The following ERLEC1 variants were observed in gnomAD, a reference collection of about 807,000 sequenced individuals.
ERLEC1 encodes ER lectin.
ERLEC1 carries 47 observed loss-of-function variants against 68.0 expected under a neutral mutation model. The observed-to-expected ratio is 0.69, with a 90% CI of 0.55 to 0.88. The LOEUF (loss-of-function observed/expected upper bound fraction) is 0.88, where lower values mean the gene tolerates loss of function less well. ERLEC1 is among the 40% of genes least tolerant of loss of function. The pLI is 0.00. For missense variants in ERLEC1, 567 were observed against 583.8 expected (o/e 0.97, Z 0.30); for synonymous variants, 225 against 203.2 (o/e 1.11, Z -0.91).
chr2:53,810,423 C>G (rs1676530747), intron 10 of ERLEC1, among the ~76,000 whole-genome samples: 2 of 152,166 alleles, frequency 1.3e-5, no homozygotes, highest in Non-Finnish European at 2.9e-5. Context: ...ACCGTATTCT[C>G]CCATACTTGA....
At chr2:53,790,029 AAAG>A (rs1323003253) in intron 1 of ERLEC1, among the ~76,000 whole-genome samples, 2 of 150,248 alleles carry the variant, frequency 1.3e-5, no homozygotes, top group Admixed American at 6.6e-5. Flanking sequence ...AAAAAAAAAA[AAAG>A]AAAAGAAAAG....
intron 10 of ERLEC1, among the ~76,000 whole-genome samples, chr2:53,812,586 C>A (rs563360435): frequency 3.3e-5 from 5 of 152,024 alleles, no homozygotes; most frequent in Non-Finnish European, 5.9e-5. Context: ...AGAGATTAAA[C>A]TCTTGGTTGT....
Position 53,801,560 on chromosome 2 carries a change from C to A in ERLEC1, c.689C>A (p.Thr230Lys). ...GAAATTCTTTCAGTAGCTGAAGTTA[C>A]AACTTGTGAATATGAAGTTGTCATT... ...KHEILSVAEV[T>K]TCEYEVVILT... Residue 230 changes from threonine to lysine, a missense_variant, in exon 7 of 14, where the codon ACA (threonine) becomes AAA (lysine). Physicochemically the swap from Thr to Lys is moderately conservative, Grantham distance 78. Coordinates refer to ENST00000185150, the MANE Select transcript of ERLEC1 (RefSeq NM_015701.5). 1 of 1,614,100 alleles carries A rather than the reference C, an allele frequency of 6.2e-7. No individual in the cohort carries two copies. Among genetic ancestry groups the A allele is most frequent in the Non-Finnish European group, 8.5e-7 (1 of 1,179,974 alleles).
chr2:53,803,487 G>T (rs879545870), intron 8 of ERLEC1, among the ~76,000 whole-genome samples: 9 of 152,022 alleles, frequency 5.9e-5, no homozygotes, highest in Non-Finnish European at 1.0e-4. Flanking sequence ...GTTTAGTCTG[G>T]GCATGGTGGC....
intron 1 of ERLEC1, among the ~76,000 whole-genome samples, chr2:53,789,172 G>T (rs1675246533): frequency 6.6e-6 from 1 of 151,940 alleles, no homozygotes; most frequent in Non-Finnish European, 1.5e-5. Context: ...GAGGCAGGCG[G>T]ATTATGAGGT....
intron 3 of ERLEC1, among the ~76,000 whole-genome samples, chr2:53,797,254 A>G (rs139159481): frequency 6.6e-5 from 10 of 152,304 alleles, no homozygotes; most frequent in African/African-American, 1.9e-4. Context: ...CTATGTAGAA[A>G]ATTGTCCCTA....
At chr2:53,806,050 A>G (rs904590472) in intron 8 of ERLEC1, among the ~76,000 whole-genome samples, 1 of 152,218 alleles carries the variant, frequency 6.6e-6, no homozygotes, top group African/African-American at 2.4e-5. Flanking sequence ...TTGAAAATGT[A>G]CATTTAGCAT....
intron 11 of ERLEC1, among the ~76,000 whole-genome samples, chr2:53,814,312 A>G (rs1415967811): frequency 6.6e-6 from 1 of 152,244 alleles, no homozygotes; most frequent in African/African-American, 2.4e-5. Context: ...AGTTGAAAAT[A>G]ATTATTAACT....
At chr2:53,800,457 A>G (rs1021092478) in intron 6 of ERLEC1, among the ~76,000 whole-genome samples, 1 of 152,184 alleles carries the variant, frequency 6.6e-6, no homozygotes, top group Non-Finnish European at 1.5e-5. Flanking sequence ...TAGTAAATTT[A>G]AAGCTTGGAT....
chr2:53,801,935 G>A lies in ERLEC1; in HGVS notation c.879+93G>A, dbSNP rs148296677. The stretch of plus-strand genomic sequence containing the variant: ...TTTTAATGATTTCTGTAGTATAATG[G>A]TAGTAATTTATTTTACTGGCCCAAC... On this transcript the variant is annotated intron_variant, in intron 8 of 13. Transcript: ENST00000185150. 4 of 1,068,392 alleles carry A rather than the reference G, an allele frequency of 3.7e-6. No homozygotes were observed. In the African/African-American group the frequency reaches 4.8e-5, roughly 13 times the overall value. 66.2% of individuals were successfully genotyped at this position (1,068,392 alleles called of 1,614,324 possible).
intron 1 of ERLEC1, among the ~76,000 whole-genome samples, chr2:53,788,975 A>G (rs1675236138): frequency 6.6e-6 from 1 of 151,958 alleles, no homozygotes; most frequent in South Asian, 2.1e-4. Context: ...AGCCCTGAAA[A>G]CTTACTATAA....
intron 13 of ERLEC1, 56 bp from the exon 14 acceptor site, chr2:53,817,842 G>C (rs1438572705): frequency 6.1e-6 from 6 of 982,986 alleles, no homozygotes; most frequent in African/African-American, 1.6e-5. Context: ...CAGCAGAATA[G>C]TACTGAAAAG....
intron 1 of ERLEC1, chr2:53,788,632 A>C (rs1675214489): frequency 6.6e-6 from 1 of 151,864 alleles, no homozygotes; most frequent in South Asian, 2.1e-4. Flanking sequence ...TCCTGGGCTC[A>C]AGCAATCCTC....
chr2:53,802,450 T>C (rs925128191), intron 8 of ERLEC1, among the ~76,000 whole-genome samples: 2 of 152,240 alleles, frequency 1.3e-5, no homozygotes, highest in African/African-American at 4.8e-5. Flanking sequence ...AGTGTTATCT[T>C]CTAAAGGCTT....
intron 8 of ERLEC1, among the ~76,000 whole-genome samples, chr2:53,803,502 G>A (rs765754920): frequency 2.6e-5 from 4 of 151,790 alleles, no homozygotes; most frequent in Non-Finnish European, 4.4e-5. Context: ...GGTGGCTCAT[G>A]CCTATAATCC....
rs1675355071 is a variant in ERLEC1, at chr2:53,790,860, G to GT, written c.163-3480dup. 7.2e-5 allele frequency among the ~76,000 whole-genome samples: 11 copies of GT among 152,222 alleles called. No individual in the cohort carries two copies. The South Asian group carries it at 2.3e-3, about 32-fold the overall frequency. ...TTATTGATGTTTAGCACTCAGTTTTGTTTTTGTGTTAATATTTTCCTTCTG... is the reference window on the plus strand; with the variant it reads ...TTATTGATGTTTAGCACTCAGTTTTGTTTTTTGTGTTAATATTTTCCTTCTG... On this transcript the variant is annotated intron_variant, in intron 1 of 13. Coordinates refer to ENST00000185150, the MANE Select transcript of ERLEC1 (RefSeq NM_015701.5).
chr2:53,808,173 A>G lies in ERLEC1; in HGVS notation c.880-126A>G, dbSNP rs191087134. 195 of 975,094 alleles carry G rather than the reference A, an allele frequency of 2.0e-4. No individual in the cohort carries two copies. The Admixed American group carries it at 4.4e-3, about 22-fold the overall frequency. 60.4% of individuals were successfully genotyped at this position (975,094 alleles called of 1,614,324 possible). A position where few individuals can be genotyped will look rare whatever the true frequency, so the allele number is the denominator to read the frequency against. ...TGCAAAGTCCATTATCTTAAAGTGT[A>G]TTAAAAGCAAGTGGACAATTTATTT... On this transcript the variant is annotated intron_variant, in intron 8 of 13. Transcript: ENST00000185150.
intron 8 of ERLEC1, among the ~76,000 whole-genome samples, chr2:53,805,423 G>T (rs1676246218): frequency 6.6e-6 from 1 of 151,562 alleles, no homozygotes; most frequent in Admixed American, 6.6e-5. Context: ...TTGCTATGTT[G>T]CCCGGGCTGG....
intron 5 of ERLEC1, among the ~76,000 whole-genome samples, chr2:53,798,173 C>T (rs941345224): frequency 6.6e-6 from 1 of 152,110 alleles, no homozygotes; most frequent in African/African-American, 2.4e-5. Flanking sequence ...CCAGCCTGGG[C>T]AACAGAGTGA....
Sources: allele counts gnomAD v4.1 joint callset (sites outside exome capture counted in the v4.1 genomes callset), GRCh38; gene constraint gnomAD v4.1.1; transcripts MANE v1.5; gene names NCBI Gene and HGNC (gene_info 2026-07-23, HGNC 2026-07-21).